The following LPIN2 variants were observed in gnomAD, a reference collection of about 807,000 sequenced individuals.
LPIN2 encodes lipin 2, also known as phosphatidate phosphatase LPIN2.
Under a neutral mutation model 111.4 loss-of-function variants are expected in LPIN2, and 55 were observed. The ratio of observed to expected loss-of-function variants is 0.49; its 90% confidence interval spans 0.40 to 0.62. The LOEUF (loss-of-function observed/expected upper bound fraction) is 0.62. Ranked by LOEUF, LPIN2 falls within the 20% of genes least tolerant of loss-of-function variation. The pLI is 0.00. For missense variants in LPIN2, 992 were observed against 1,112.1 expected, an observed-to-expected ratio of 0.89 and a Z score of 1.54; for synonymous variants, 425 against 414.0, an observed-to-expected ratio of 1.03 and a Z score of -0.32.
Position 2,954,518 on chromosome 18 carries a change from TCTC to T in LPIN2, c.271_273del (p.Glu91del). ...TGCAAACTTACATATTCTTCTTCAG[TCTC>T]CTCAACAAAGAAAGCTTCTCCGTTA... On this transcript the variant is annotated inframe_deletion, in exon 3 of 20. Transcript: ENST00000677752. 1 of 1,613,524 alleles carries T rather than the reference TCTC, an allele frequency of 6.2e-7. No homozygotes were observed. Among genetic ancestry groups the T allele is most frequent in the Non-Finnish European group, 8.5e-7 (1 of 1,179,394 alleles).
chr18:2,929,017 A>T (rs1243717432), intron 10 of LPIN2, 48 bp downstream of exon 10: 1 of 1,255,312 alleles, frequency 8.0e-7, no homozygotes, highest in East Asian at 2.3e-5. Context: ...TGGCACTTGT[A>T]AAAAAACTGC....
At chr18:3,000,941 G>T (rs1182793659) in intron 1 of LPIN2, among the ~76,000 whole-genome samples, 1 of 138,030 alleles carries the variant, frequency 7.2e-6, no homozygotes, top group African/African-American at 2.6e-5. Context: ...AAAATGGGTA[G>T]GGGGGAAAGG....
At chr18:2,989,344 G>C (rs1251720995) in intron 1 of LPIN2, among the ~76,000 whole-genome samples, 7 of 151,870 alleles carry the variant, frequency 4.6e-5, no homozygotes, top group Non-Finnish European at 1.0e-4. Flanking sequence ...ATTTAACCAA[G>C]GAGGTGAAAG....
At chr18:2,928,409 C>T (rs1373441101) in intron 11 of LPIN2, among the ~76,000 whole-genome samples, 182 bp downstream of exon 11, 1 of 152,162 alleles carries the variant, frequency 6.6e-6, no homozygotes, top group African/African-American at 2.4e-5. Context: ...CTGCTAATTT[C>T]CCAGAGTTTG....
At chr18:2,936,045 A>C (rs1404321175) in intron 7 of LPIN2, among the ~76,000 whole-genome samples, 1 of 152,222 alleles carries the variant, frequency 6.6e-6, no homozygotes, top group Non-Finnish European at 1.5e-5. Context: ...CTTTGGTGGA[A>C]GAGCAGGTGC....
intron 2 of LPIN2, 121 bp downstream of exon 2, chr18:2,960,525 AAAG>A (rs1271716953): frequency 5.5e-6 from 5 of 914,556 alleles, no homozygotes; most frequent in African/African-American, 3.3e-5. Flanking sequence ...AAAAAAAAAA[AAAG>A]GCCTAGAAAA....
intron 2 of LPIN2, among the ~76,000 whole-genome samples, chr18:2,957,413 T>C (rs2077629553): frequency 6.6e-6 from 1 of 152,152 alleles, no homozygotes; most frequent in South Asian, 2.1e-4. Flanking sequence ...CCAGTAAGTA[T>C]AGTGTAAATA....
chr18:3,006,000 G>A (rs1044062226), intron 1 of LPIN2, among the ~76,000 whole-genome samples: 9 of 152,338 alleles, frequency 5.9e-5, no homozygotes, highest in African/African-American at 2.2e-4. Context: ...AATGTGGGGA[G>A]GCAGGTCATC....
intron 2 of LPIN2, among the ~76,000 whole-genome samples, chr18:2,957,655 G>A (rs2077633246): frequency 6.6e-6 from 1 of 152,174 alleles, no homozygotes; most frequent in Non-Finnish European, 1.5e-5. Context: ...TCTCCACTGG[G>A]ATTGATGAGT....
chr18:2,992,878 C>A (rs893797352), intron 1 of LPIN2, among the ~76,000 whole-genome samples: 2 of 148,246 alleles, frequency 1.3e-5, no homozygotes. Flanking sequence ...CCCAGCTACT[C>A]GGGAGGCTGA....
chr18:2,933,974 GA>G (rs1215015922), intron 8 of LPIN2, among the ~76,000 whole-genome samples: 2 of 152,056 alleles, frequency 1.3e-5, no homozygotes, highest in Non-Finnish European at 2.9e-5. Flanking sequence ...ACATTCTTTG[GA>G]AAACATTTTC....
chr18:2,920,449 G>A lies in LPIN2; in HGVS notation c.2547-12C>T. The A allele has an allele frequency of 6.2e-7, 1 of 1,613,486 alleles. No homozygotes were observed. Among genetic ancestry groups the A allele is most frequent in the South Asian group, 1.1e-5 (1 of 91,084 alleles). On this transcript the variant is annotated splice_polypyrimidine_tract_variant and intron_variant, in intron 19 of 19. Transcript: ENST00000677752. The stretch of plus-strand genomic sequence containing the variant: ...TCAGCCTGTGATACCTAAGAGAAAG[G>A]TTGGGGAAGAGGCACAGGCTATTAC...
intron 16 of LPIN2, among the ~76,000 whole-genome samples, chr18:2,922,902 G>GA (rs976160483): frequency 5.9e-5 from 9 of 152,068 alleles, no homozygotes; most frequent in African/African-American, 2.2e-4. Context: ...CATCAGACAA[G>GA]AAGCAAAATT....
Position 2,931,400 on chromosome 18 carries a change from G to C in LPIN2, c.1312C>G (p.Leu438Val), listed in dbSNP as rs138079183. The C allele has an allele frequency of 2.4e-5, 39 of 1,608,906 alleles. No homozygotes were observed. Among genetic ancestry groups the C allele is most frequent in the African/African-American group, 6.7e-5 (5 of 74,868 alleles). Residue 438 changes from leucine (L) to valine (V), a missense_variant, in exon 9 of 20, where the codon CTC becomes GTC. By Grantham distance (32) the Leu-to-Val change is conservative. This residue lies in a region of LPIN2 where 709 missense variants were observed against 753.2 expected (regional missense o/e 0.94). Transcript: ENST00000677752. The part of the protein sequence containing the change: ...GSRQWPESDT[L>V]SGSQSPQSVG... ...GACTGTGGGGACTGGGAGCCAGAGA[G>C]TGTGTCAGACTCGGGCCACTGCCTG...
chr18:2,934,777 T>G (rs2077262663), intron 7 of LPIN2, among the ~76,000 whole-genome samples: 1 of 152,148 alleles, frequency 6.6e-6, no homozygotes, highest in Non-Finnish European at 1.5e-5. Context: ...ATGACCAAAC[T>G]TAAGGCAACC....
intron 1 of LPIN2, among the ~76,000 whole-genome samples, chr18:2,969,880 G>A (rs2077876891): frequency 6.6e-6 from 1 of 152,200 alleles, no homozygotes; most frequent in Non-Finnish European, 1.5e-5. Context: ...TGAAGACTAA[G>A]TTGTTATGGG....
chr18:2,961,053 T>A (rs2077704888), intron 1 of LPIN2, among the ~76,000 whole-genome samples: 1 of 152,198 alleles, frequency 6.6e-6, no homozygotes, highest in Admixed American at 6.5e-5. Flanking sequence ...CTATTCTCCT[T>A]TGTATCTGAG....
At position 2,917,152 on chromosome 18, in the gene LPIN2, T is replaced by TATTA. The variant is rs2076981877; in HGVS notation, c.*3137_*3140dup. The stretch of plus-strand genomic sequence containing the variant: ...AATTAACTTTGGACAACTTAAAACT[T>TATTA]ATTAGTGACATTGCTGTCTAATAAT... On this transcript the variant is annotated 3_prime_UTR_variant, in exon 20 of 20. Transcript: ENST00000677752. 4 of 152,222 alleles carry TATTA rather than the reference T, an allele frequency of 2.6e-5. No individual in the cohort carries two copies. In the South Asian group the frequency reaches 8.3e-4, roughly 32 times the overall value. The allele number at this position is 152,222 out of a possible 1,614,324, so 9.4% of individuals were successfully genotyped here.
intron 1 of LPIN2, chr18:2,982,655 A>G (rs1234795134): frequency 8.1e-7 from 1 of 1,229,776 alleles, no homozygotes. Context: ...GGACATTGGG[A>G]GATGTAACTC....
Sources: gnomAD v4.1 joint callset for allele counts (sites outside exome capture counted in the v4.1 genomes callset) on GRCh38, gnomAD v4.1.1 for gene constraint, gnomAD v4.1.1 regional missense constraint, MANE v1.5 for transcripts, NCBI Gene and HGNC (gene_info 2026-07-23, HGNC 2026-07-21) for gene names.